The following VEGFC variants were observed in gnomAD, a reference collection of about 807,000 sequenced individuals.
VEGFC encodes the protein FLT4 ligand DHM.
VEGFC carries 12 observed loss-of-function variants against 46.1 expected under a neutral mutation model. The ratio of observed to expected loss-of-function variants is 0.26; its 90% CI spans 0.17 to 0.42. The LOEUF (loss-of-function observed/expected upper bound fraction) is 0.42, where lower values mean the gene tolerates loss of function less well. Among genes scored for constraint, VEGFC ranks in the 10% least tolerant of loss-of-function variants. The probability of loss-of-function intolerance (pLI) is 1.00; values close to 1 mark genes in which losing one functional copy is unlikely to be tolerated. For synonymous variants in VEGFC, 232 were observed against 195.5 expected (o/e 1.19, Z -1.56); for missense variants, 488 against 529.4 (o/e 0.92, Z 0.77).
intron 4 of VEGFC, among the ~76,000 whole-genome samples, chr4:176,693,896 G>A (rs1402541772): frequency 6.6e-6 from 1 of 151,364 alleles, no homozygotes; most frequent in Non-Finnish European, 1.5e-5. Flanking sequence ...ATAAGTGAAG[G>A]AGAAATAAAA....
chr4:176,778,404 A>T (rs989214070), intron 1 of VEGFC, among the ~76,000 whole-genome samples: 1 of 148,042 alleles, frequency 6.8e-6, no homozygotes, highest in African/African-American at 2.4e-5. Flanking sequence ...GAAAAAAAAA[A>T]CAAGTAAATA....
intron 1 of VEGFC, among the ~76,000 whole-genome samples, chr4:176,775,063 T>C (rs1341572625): frequency 1.3e-5 from 2 of 152,162 alleles, no homozygotes; most frequent in Non-Finnish European, 2.9e-5. Flanking sequence ...TATAACAATC[T>C]ACCAGATGGG....
At chr4:176,754,230 GTT>G (rs750980548) in intron 1 of VEGFC, among the ~76,000 whole-genome samples, 12 of 137,756 alleles carry the variant, frequency 8.7e-5, no homozygotes, top group Admixed American at 7.2e-5. Flanking sequence ...GTCTTAACTT[GTT>G]TTTTTTTTTT....
intron 1 of VEGFC, among the ~76,000 whole-genome samples, chr4:176,745,797 G>A (rs1003938702): frequency 2.0e-5 from 3 of 152,092 alleles, no homozygotes; most frequent in African/African-American, 7.2e-5. Context: ...GAGAACAAGA[G>A]AGATGTAGCA....
chr4:176,767,966 G>T (rs1428808790), intron 1 of VEGFC, among the ~76,000 whole-genome samples: 1 of 152,134 alleles, frequency 6.6e-6, no homozygotes. Flanking sequence ...CAGCCAAGAG[G>T]ATTGGATTCC....
At chr4:176,730,851 G>C (rs1361864678) in intron 1 of VEGFC, among the ~76,000 whole-genome samples, 1 of 151,936 alleles carries the variant, frequency 6.6e-6, no homozygotes, top group Non-Finnish European at 1.5e-5. Flanking sequence ...TTCTATGTAA[G>C]TGATTTTTGT....
At chr4:176,782,926 A>C (rs1487981315) in intron 1 of VEGFC, among the ~76,000 whole-genome samples, 1 of 152,210 alleles carries the variant, frequency 6.6e-6, no homozygotes, top group Non-Finnish European at 1.5e-5. Context: ...GAATCAAAAA[A>C]ATATGCTGTC....
At chr4:176,724,517 A>G (rs6820215) in intron 3 of VEGFC, among the ~76,000 whole-genome samples, 149 of 152,356 alleles carry the variant, frequency 9.8e-4, no homozygotes, top group Non-Finnish European at 1.0e-3. Flanking sequence ...GAAACTATAA[A>G]GCATTTACTA....
rs947587218 is a variant in VEGFC, at chr4:176,784,226, G to A, written c.147+7939C>T. On this transcript the variant is annotated intron_variant, in intron 1 of 6. Coordinates refer to ENST00000618562, the MANE Select transcript of VEGFC (RefSeq NM_005429.5). ...TGTGAATACAGGCACGTGTCACCAT[G>A]CCCAGTTAATTTTTCTATTTTTTGT... Among the ~76,000 whole-genome samples, 5 of 151,700 alleles carry A rather than the reference G, an allele frequency of 3.3e-5. No individual in the cohort carries two copies. The East Asian group carries it at 5.9e-4, about 18-fold the overall frequency.
intron 1 of VEGFC, among the ~76,000 whole-genome samples, chr4:176,760,312 C>T (rs1399448781): frequency 6.6e-6 from 1 of 152,026 alleles, no homozygotes; most frequent in Non-Finnish European, 1.5e-5. Context: ...AAAATATAGG[C>T]CATTTTTAAT....
intron 3 of VEGFC, among the ~76,000 whole-genome samples, chr4:176,720,854 A>C (rs1019017487): frequency 2.6e-5 from 4 of 151,842 alleles, no homozygotes; most frequent in African/African-American, 9.7e-5. Context: ...AAAAAAAAAA[A>C]AAAAAAAAAA....
At chr4:176,715,052 G>A (rs537868108) in intron 3 of VEGFC, among the ~76,000 whole-genome samples, 3 of 152,230 alleles carry the variant, frequency 2.0e-5, no homozygotes. Flanking sequence ...ACTTTTATAA[G>A]TGGTAAAATG....
chr4:176,702,511 TAATACCTCTACAG>T (rs1734451696), intron 4 of VEGFC, among the ~76,000 whole-genome samples: 3 of 152,128 alleles, frequency 2.0e-5, no homozygotes, highest in Non-Finnish European at 4.4e-5. Flanking sequence ...TCTGCTCCCC[TAATACCTCTACAG>T]AATAGGTGAA....
At chr4:176,749,748 G>A (rs1735311264) in intron 1 of VEGFC, among the ~76,000 whole-genome samples, 1 of 151,732 alleles carries the variant, frequency 6.6e-6, no homozygotes, top group Non-Finnish European at 1.5e-5. Context: ...AACTGAAATT[G>A]AGATAGTATG....
chr4:176,711,724 C>A, intron 3 of VEGFC, 74 bp from the exon 4 acceptor site: 1 of 1,487,840 alleles, frequency 6.7e-7, no homozygotes, highest in South Asian at 1.2e-5. Context: ...ATATTGGAGT[C>A]CGAAAAAGAG....
chr4:176,731,189 T>A (rs1734959181), intron 1 of VEGFC, among the ~76,000 whole-genome samples: 1 of 152,020 alleles, frequency 6.6e-6, no homozygotes. Context: ...TTAGTTTAAA[T>A]GAAAGTTACA....
At chr4:176,727,286 C>T (rs1734887283) in intron 3 of VEGFC, among the ~76,000 whole-genome samples, 1 of 152,114 alleles carries the variant, frequency 6.6e-6, no homozygotes, top group Non-Finnish European at 1.5e-5. Flanking sequence ...CCTTTGCTTT[C>T]GACAGGAAGA....
intron 6 of VEGFC, 133 bp from the exon 7 acceptor site, chr4:176,684,173 G>A: frequency 1.4e-6 from 1 of 692,342 alleles, no homozygotes; most frequent in South Asian, 1.9e-5. Flanking sequence ...ATTGTTCATA[G>A]GTTTAAAAAA....
intron 6 of VEGFC, among the ~76,000 whole-genome samples, chr4:176,686,436 G>A (rs907435083): frequency 6.6e-6 from 1 of 152,090 alleles, no homozygotes; most frequent in Non-Finnish European, 1.5e-5. Flanking sequence ...AGAAATTTGG[G>A]AACTTTTATA....
Sources: allele counts gnomAD v4.1 joint callset (sites outside exome capture counted in the v4.1 genomes callset), GRCh38; gene constraint gnomAD v4.1.1; transcripts MANE v1.5; gene names NCBI Gene and HGNC (gene_info 2026-07-23, HGNC 2026-07-21).